PAK1: variants seen among roughly 807,000 people sequenced by gnomAD.
PAK1 encodes the protein p21 (RAC1) activated kinase 1.
A neutral mutation model predicts 67.4 loss-of-function variants in PAK1; 29 were observed. The ratio of observed to expected loss-of-function variants is 0.43; its 90% confidence interval spans 0.32 to 0.59. PAK1 has a LOEUF of 0.59. Among genes scored for constraint, PAK1 ranks in the 20% least tolerant of loss-of-function variants. The pLI is 0.07. For synonymous variants in PAK1, 223 were observed against 237.4 expected, an observed-to-expected ratio of 0.94 and a Z score of 0.56; for missense variants, 337 against 670.7, an observed-to-expected ratio of 0.50 and a Z score of 5.50.
chr11:77,477,466 C>T (rs1444347129), upstream of PAK1, among the ~76,000 whole-genome samples: 1 of 150,438 alleles, frequency 6.6e-6, no homozygotes, highest in Non-Finnish European at 1.5e-5. Context: ...TGCCTTGGCT[C>T]ATGCCTGTAA....
chr11:77,362,184 T>G (rs982608002), intron 5 of PAK1, among the ~76,000 whole-genome samples: 2 of 152,182 alleles, frequency 1.3e-5, no homozygotes, highest in South Asian at 4.1e-4. Flanking sequence ...AATTTGGGCA[T>G]TTGCTTAAAG....
chr11:77,486,313 G>C, the PAK1 span, among the ~76,000 whole-genome samples: 1 of 151,896 alleles, frequency 6.6e-6, no homozygotes, highest in African/African-American at 2.4e-5. Context: ...AGACCAGCCT[G>C]GGCAACATAG....
Position 77,355,602 on chromosome 11 carries a change from C to G in PAK1, c.772+66G>C, listed in dbSNP as rs980421183. On this transcript the variant is annotated intron_variant, in intron 7 of 14. Transcript: ENST00000356341. The stretch of plus-strand genomic sequence containing the variant: ...CAGCTGCATGGACCAAGCCTACGAC[C>G]AGCAAATCTCTGTGCTTGACCAGTC... 2.6e-5 allele frequency: 36 copies of G among 1,361,880 alleles called. 1 individual carries two copies. In the South Asian group the frequency reaches 4.5e-4, roughly 17 times the overall value. 84.4% of individuals were successfully genotyped at this position (1,361,880 alleles called of 1,614,324 possible).
chr11:77,502,325 T>C, the PAK1 span, among the ~76,000 whole-genome samples: 1 of 152,242 alleles, frequency 6.6e-6, no homozygotes, highest in Non-Finnish European at 1.5e-5. Flanking sequence ...CATTAAAGAC[T>C]TCATAAATGT....
the PAK1 span, among the ~76,000 whole-genome samples, chr11:77,525,092 C>T: frequency 1.3e-5 from 2 of 151,900 alleles, no homozygotes; most frequent in East Asian, 1.9e-4. Context: ...CTCCTCTAAT[C>T]CCAACATGTT....
In PAK1 at chr11:77,331,164, C is replaced by T. The variant is rs972069944; in HGVS notation, c.1551+1566G>A. Among the ~76,000 whole-genome samples, 94 of 152,188 alleles carry T rather than the reference C, an allele frequency of 6.2e-4. No homozygotes were observed. In the Middle Eastern group the frequency reaches 0.01, roughly 17 times the overall value. Reference sequence around the variant, plus strand: ...GTGCTGGAGAGGATGTGGAGAAATACGAACACTTTTACACTGTTGGTGGGA... The same window carrying T: ...GTGCTGGAGAGGATGTGGAGAAATATGAACACTTTTACACTGTTGGTGGGA... On this transcript the variant is annotated intron_variant, in intron 14 of 14. Transcript: ENST00000356341.
chr11:77,477,987 G>A (rs1307145510), upstream of PAK1, among the ~76,000 whole-genome samples: 4 of 152,200 alleles, frequency 2.6e-5, no homozygotes, highest in Admixed American at 2.0e-4. Flanking sequence ...AGTGGCCAGA[G>A]CCTATCCCAG....
At chr11:77,348,442 T>C (rs1338318379) in intron 9 of PAK1, among the ~76,000 whole-genome samples, 1 of 152,200 alleles carries the variant, frequency 6.6e-6, no homozygotes, top group African/African-American at 2.4e-5. Flanking sequence ...CATGGCTTAA[T>C]GAAATGAGAG....
At chr11:77,509,216 CCA>C in the PAK1 span, among the ~76,000 whole-genome samples, 9 of 151,764 alleles carry the variant, frequency 5.9e-5, no homozygotes, top group East Asian at 1.8e-3. Flanking sequence ...CAAGATCGCG[CCA>C]CTGCACTCCA....
chr11:77,348,813 A>G (rs913481682), intron 9 of PAK1, among the ~76,000 whole-genome samples: 5 of 152,150 alleles, frequency 3.3e-5, no homozygotes, highest in Non-Finnish European at 7.3e-5. Flanking sequence ...TGGCTTTTGT[A>G]TGCTACAGTA....
intron 1 of PAK1, among the ~76,000 whole-genome samples, chr11:77,400,250 G>C (rs1236160000): frequency 6.6e-6 from 1 of 152,148 alleles, no homozygotes; most frequent in Non-Finnish European, 1.5e-5. Flanking sequence ...CAGTGTGGCA[G>C]AATGCAACAT....
intron 1 of PAK1, among the ~76,000 whole-genome samples, chr11:77,471,820 G>A (rs1313707110): frequency 6.6e-6 from 1 of 152,138 alleles, no homozygotes; most frequent in Non-Finnish European, 1.5e-5. Context: ...CCTAGCACAG[G>A]GACTCAAAAC....
intron 1 of PAK1, among the ~76,000 whole-genome samples, chr11:77,428,516 G>A (rs369354146): frequency 6.6e-6 from 1 of 151,230 alleles, no homozygotes; most frequent in Non-Finnish European, 1.5e-5. Context: ...AGGTTGCAGT[G>A]AGCCGAGATT....
At chr11:77,460,260 G>A (rs1471023961) in intron 1 of PAK1, among the ~76,000 whole-genome samples, 1 of 151,024 alleles carries the variant, frequency 6.6e-6, no homozygotes, top group Non-Finnish European at 1.5e-5. Context: ...GAGTCAGCCA[G>A]CCAGCCAGCC....
chr11:77,384,473 C>T (rs1271198981), intron 2 of PAK1, among the ~76,000 whole-genome samples: 2 of 152,190 alleles, frequency 1.3e-5, no homozygotes, highest in Non-Finnish European at 2.9e-5. Flanking sequence ...TTCACATTAG[C>T]TTATTCATAA....
At chr11:77,451,534 T>C (rs1469863581) in intron 1 of PAK1, among the ~76,000 whole-genome samples, 1 of 152,346 alleles carries the variant, frequency 6.6e-6, no homozygotes, top group African/African-American at 2.4e-5. Context: ...TTATGAAGGC[T>C]CCTATGTCAT....
Position 77,386,136 on chromosome 11 carries a change from T to C in PAK1, c.191-6142A>G, listed in dbSNP as rs539011318. 2.6e-4 allele frequency among the ~76,000 whole-genome samples: 39 copies of C among 152,300 alleles called. No individual in the cohort carries two copies. The South Asian group carries it at 3.3e-3, about 13-fold the overall frequency. Reference sequence around the variant, plus strand: ...TGACCTAGACCACTTGGCTTTCTGATAGCATGGGAAATGAGGCTGACACTG... The same window carrying C: ...TGACCTAGACCACTTGGCTTTCTGACAGCATGGGAAATGAGGCTGACACTG... On this transcript the variant is annotated intron_variant, in intron 2 of 14. Coordinates refer to ENST00000356341, the MANE Select transcript of PAK1 (RefSeq NM_002576.5).
intron 1 of PAK1, among the ~76,000 whole-genome samples, chr11:77,472,743 G>T (rs1227572088): frequency 1.3e-5 from 2 of 152,206 alleles, no homozygotes; most frequent in Admixed American, 6.5e-5. Context: ...TAATGAATCT[G>T]AATTTTTATT....
intron 5 of PAK1, among the ~76,000 whole-genome samples, chr11:77,361,386 T>C (rs2136645622): frequency 6.6e-6 from 1 of 152,276 alleles, no homozygotes; most frequent in South Asian, 2.1e-4. Flanking sequence ...CCTTAGGAAT[T>C]CTACCTATGT....
Sources: allele counts gnomAD v4.1 joint callset (sites outside exome capture counted in the v4.1 genomes callset), GRCh38; gene constraint gnomAD v4.1.1; transcripts MANE v1.5; gene names NCBI Gene and HGNC (gene_info 2026-07-23, HGNC 2026-07-21).